Variants in GALNT18 observed in about 807,000 individuals in gnomAD.
The protein encoded by GALNT18 is GalNAc-transferase 18.
Under a neutral mutation model 69.5 loss-of-function variants are expected in GALNT18, and 44 were observed. The ratio of observed to expected loss-of-function variants is 0.63; its 90% confidence interval spans 0.50 to 0.81. The LOEUF is 0.81. GALNT18 is among the 40% of genes least tolerant of loss of function. The pLI, the probability that GALNT18 is intolerant of heterozygous loss-of-function variation, is 0.00. For missense variants in GALNT18, 715 were observed against 810.0 expected (o/e 0.88, Z 1.42); for synonymous variants, 364 against 318.2 (o/e 1.14, Z -1.53).
chr11:11,305,928 G>A (rs1007184926), intron 9 of GALNT18, among the ~76,000 whole-genome samples: 1 of 152,168 alleles, frequency 6.6e-6, no homozygotes, highest in Admixed American at 6.5e-5. Flanking sequence ...TCATGCAGGT[G>A]CACTCCCTGG....
At chr11:11,403,229 G>A (rs1409762570) in intron 3 of GALNT18, among the ~76,000 whole-genome samples, 1 of 152,188 alleles carries the variant, frequency 6.6e-6, no homozygotes, top group Non-Finnish European at 1.5e-5. Flanking sequence ...TCAGCACTGT[G>A]TGAATCCTCC....
At chr11:11,507,907 T>C (rs4910367) in intron 1 of GALNT18, among the ~76,000 whole-genome samples, 93,116 of 152,094 alleles carry the variant, frequency 0.61, 28,753 homozygotes, top group Middle Eastern at 0.71. Flanking sequence ...CTTTCTCCCA[T>C]GCTGGATGCT....
chr11:11,351,115 A>G (rs1434020863), intron 6 of GALNT18, among the ~76,000 whole-genome samples: 1 of 152,140 alleles, frequency 6.6e-6, no homozygotes, highest in Non-Finnish European at 1.5e-5. Context: ...CCGCTTCCCA[A>G]TTCCAGCTGA....
At chr11:11,553,302 C>A (rs191032501) in intron 1 of GALNT18, among the ~76,000 whole-genome samples, 1 of 152,306 alleles carries the variant, frequency 6.6e-6, no homozygotes, top group East Asian at 1.9e-4. Context: ...TAAACCTTCC[C>A]ACCTGCTGCA....
At position 11,582,916 on chromosome 11, in the gene GALNT18, C is replaced by T. The variant is rs765663603; in HGVS notation, c.235+38443G>A. On this transcript the variant is annotated intron_variant, in intron 1 of 10. Transcript: ENST00000227756. The surrounding 1 kb of genome is among the most constrained non-coding windows in gnomAD (Gnocchi z 5.0). ...AGCACAGCCACTGCCACACACACCC[C>T]ACAGAAGTGGTTGTCATGGTCCTGC... Among the ~76,000 whole-genome samples, 11 of 152,192 alleles carry T rather than the reference C, an allele frequency of 7.2e-5. No individual in the cohort carries two copies. Among genetic ancestry groups the T allele is most frequent in the Non-Finnish European group, 1.6e-4 (11 of 68,038 alleles).
At chr11:11,419,233 AC>A (rs1429106846) in intron 3 of GALNT18, among the ~76,000 whole-genome samples, 11 of 151,292 alleles carry the variant, frequency 7.3e-5, no homozygotes. Context: ...GCTGGTAAAA[AC>A]CCTTCCTGCT....
At chr11:11,271,347 C>A in intron 10 of GALNT18, 57 bp from the exon 11 acceptor site, 1 of 1,575,198 alleles carries the variant, frequency 6.3e-7, no homozygotes, top group Non-Finnish European at 8.7e-7. Context: ...TGCAGAAATT[C>A]GGGAGCCTCA....
Position 11,394,704 on chromosome 11 carries a change from T to C in GALNT18, c.596-15440A>G, listed in dbSNP as rs141740294. Among the ~76,000 whole-genome samples the C allele has an allele frequency of 3.9e-5, 6 of 152,344 alleles. No individual in the cohort carries two copies. The East Asian group carries it at 1.2e-3, about 29-fold the overall frequency. On this transcript the variant is annotated intron_variant, in intron 3 of 10. Transcript: ENST00000227756. ...CTCACTAGGTCTCTAACAAGGGCCC[T>C]GGCCCATTGCTCGAGACAGCATCCA... is the stretch of plus-strand genomic sequence containing the variant.
chr11:11,566,764 T>A (rs1858662600), intron 1 of GALNT18, among the ~76,000 whole-genome samples: 1 of 152,218 alleles, frequency 6.6e-6, no homozygotes, highest in South Asian at 2.1e-4. Flanking sequence ...AATAGAAATT[T>A]GAGAAAATTC....
At position 11,340,257 on chromosome 11, in the gene GALNT18, T is replaced by C. The variant is rs1380074884; in HGVS notation, c.1278+562A>G. On this transcript the variant is annotated intron_variant, in intron 7 of 10. Transcript: ENST00000227756. This position sits in a 1 kb window ranked among gnomAD's most constrained non-coding sequence, Gnocchi z 4.2. ...AGGTGACCAGAGGGATAGAGGACAGTGGCAGGCAATGATGAGGCTCTGTGA... is the reference window on the plus strand; with the variant it reads ...AGGTGACCAGAGGGATAGAGGACAGCGGCAGGCAATGATGAGGCTCTGTGA... Among the ~76,000 whole-genome samples the C allele has an allele frequency of 2.8e-5, 2 of 71,682 alleles. No individual in the cohort carries two copies. Among genetic ancestry groups the C allele is most frequent in the Admixed American group, 3.0e-4 (2 of 6,754 alleles). The allele number at this position is 71,682 out of a possible 152,430, so 47.0% of individuals were successfully genotyped here.
chr11:11,474,201 G>A (rs1222499168), intron 1 of GALNT18, among the ~76,000 whole-genome samples: 1 of 152,248 alleles, frequency 6.6e-6, no homozygotes, highest in African/African-American at 2.4e-5. Flanking sequence ...TTTAGATAGA[G>A]TGGTCAACAC....
chr11:11,548,067 C>T (rs1312781449), intron 1 of GALNT18, among the ~76,000 whole-genome samples: 1 of 152,156 alleles, frequency 6.6e-6, no homozygotes, highest in African/African-American at 2.4e-5. Context: ...CCAGAACAGC[C>T]CTACCTCATG....
chr11:11,576,523 C>T (rs1858928176), intron 1 of GALNT18, among the ~76,000 whole-genome samples: 1 of 152,212 alleles, frequency 6.6e-6, no homozygotes, highest in Admixed American at 6.5e-5. Flanking sequence ...TCTAGGTCAT[C>T]CCAGGCACTC....
intron 1 of GALNT18, among the ~76,000 whole-genome samples, chr11:11,533,507 C>A (rs1026957475): frequency 7.2e-5 from 11 of 152,204 alleles, no homozygotes; most frequent in Admixed American, 7.2e-4. Context: ...AGGCGACGTT[C>A]GCTCAGAGAC....
At chr11:11,428,919 TG>T (rs1374300058) in intron 3 of GALNT18, among the ~76,000 whole-genome samples, 1 of 152,212 alleles carries the variant, frequency 6.6e-6, no homozygotes, top group African/African-American at 2.4e-5. Flanking sequence ...TGTGTCATCC[TG>T]GGTCATGATG....
intron 1 of GALNT18, among the ~76,000 whole-genome samples, chr11:11,456,391 G>A (rs1222550459): frequency 6.6e-6 from 1 of 152,154 alleles, no homozygotes; most frequent in African/African-American, 2.4e-5. Context: ...GTCCCCAGGA[G>A]GCTACTCACT....
intron 1 of GALNT18, among the ~76,000 whole-genome samples, chr11:11,513,384 T>A (rs1362504692): frequency 1.3e-5 from 2 of 152,224 alleles, no homozygotes; most frequent in African/African-American, 4.8e-5. Flanking sequence ...TCTGAGCAAC[T>A]CCTGATTGAA....
At chr11:11,330,700 G>C (rs1471000378) in intron 8 of GALNT18, among the ~76,000 whole-genome samples, 1 of 152,234 alleles carries the variant, frequency 6.6e-6, no homozygotes, top group African/African-American at 2.4e-5. Flanking sequence ...TTGCCACTTA[G>C]TATTTGACAA....
chr11:11,305,778 C>A (rs1268242157), intron 9 of GALNT18, among the ~76,000 whole-genome samples: 1 of 152,224 alleles, frequency 6.6e-6, no homozygotes, highest in Non-Finnish European at 1.5e-5. Flanking sequence ...TCCCTGAGGG[C>A]AGACACCATG....
Sources: gnomAD v4.1 joint callset for allele counts (sites outside exome capture counted in the v4.1 genomes callset) on GRCh38, gnomAD v4.1.1 for gene constraint, Gnocchi (gnomAD v3.1) non-coding constraint, MANE v1.5 for transcripts, NCBI Gene and HGNC (gene_info 2026-07-23, HGNC 2026-07-21) for gene names.